Variants in KDM3A observed in about 807,000 individuals in gnomAD.
KDM3A encodes lysine-specific demethylase 3A.
Under a neutral mutation model 158.0 loss-of-function variants are expected in KDM3A, and 60 were observed. That is an observed-to-expected ratio of 0.38 (90% CI 0.31 to 0.47). The LOEUF (loss-of-function observed/expected upper bound fraction) is 0.47. KDM3A is among the 20% of genes least tolerant of loss of function. The probability of loss-of-function intolerance (pLI) is 0.99; values close to 1 mark genes in which losing one functional copy is unlikely to be tolerated. For missense variants in KDM3A, 1,319 were observed against 1,574.3 expected (o/e 0.84, Z 2.74); for synonymous variants, 608 against 549.3 (o/e 1.11, Z -1.49).
At chr2:86,477,825 G>A (rs1673730007) in intron 12 of KDM3A, 52 bp from the exon 13 acceptor site, 12 of 1,529,888 alleles carry the variant, frequency 7.8e-6, no homozygotes, top group Non-Finnish European at 1.1e-5. Flanking sequence ...TTCGTTTTTG[G>A]TTTCAGAAGC....
At chr2:86,471,145 C>G (rs1009655658) in intron 11 of KDM3A, among the ~76,000 whole-genome samples, 3 of 151,978 alleles carry the variant, frequency 2.0e-5, no homozygotes, top group Middle Eastern at 3.2e-3. Context: ...GGTCTCTGTA[C>G]CATTGCCAGC....
intron 18 of KDM3A, chr2:86,483,367 A>G (rs1410735355): frequency 1.3e-5 from 2 of 152,458 alleles, no homozygotes; most frequent in Admixed American, 1.3e-4. Context: ...ATAAATTTCC[A>G]AAATGTTTTT....
At chr2:86,472,520 A>G (rs1278190429) in intron 11 of KDM3A, among the ~76,000 whole-genome samples, 1 of 152,118 alleles carries the variant, frequency 6.6e-6, no homozygotes, top group Non-Finnish European at 1.5e-5. Context: ...ATGCTTTCAA[A>G]TTTATTTTTT....
At chr2:86,485,151 C>G (rs1674120233) in intron 20 of KDM3A, 122 bp downstream of exon 20, 1 of 614,360 alleles carries the variant, frequency 1.6e-6, no homozygotes, top group South Asian at 2.1e-5. Flanking sequence ...TATACTGCCA[C>G]TGATTTTTCA....
At chr2:86,457,283 A>G (rs926573446) in intron 8 of KDM3A, among the ~76,000 whole-genome samples, 9 of 152,064 alleles carry the variant, frequency 5.9e-5, no homozygotes, top group African/African-American at 2.2e-4. Flanking sequence ...GGCATGTGTC[A>G]TGCATGACAC....
At chr2:86,469,635 A>G (rs1410338306) in intron 10 of KDM3A, among the ~76,000 whole-genome samples, 2 of 152,214 alleles carry the variant, frequency 1.3e-5, no homozygotes, top group Non-Finnish European at 2.9e-5. Context: ...CATGTGTGAA[A>G]GAAGGGGAGA....
chr2:86,446,876 A>G (rs745742364), intron 2 of KDM3A, among the ~76,000 whole-genome samples: 1 of 152,212 alleles, frequency 6.6e-6, no homozygotes, highest in Non-Finnish European at 1.5e-5. Flanking sequence ...CAGTGGCACA[A>G]TCATAGCTGA....
intron 8 of KDM3A, among the ~76,000 whole-genome samples, chr2:86,459,193 T>C (rs528776778): frequency 6.6e-6 from 1 of 152,226 alleles, no homozygotes; most frequent in East Asian, 1.9e-4. Flanking sequence ...TGCTGAGGAA[T>C]AGGGGTCCCT....
chr2:86,445,415 C>G (rs184183018), intron 2 of KDM3A, among the ~76,000 whole-genome samples: 1 of 152,260 alleles, frequency 6.6e-6, no homozygotes. Flanking sequence ...TGCTTCCTAG[C>G]TGATTTTGTT....
At chr2:86,471,289 GTA>G (rs1205466896) in intron 11 of KDM3A, among the ~76,000 whole-genome samples, 5 of 150,094 alleles carry the variant, frequency 3.3e-5, no homozygotes, top group Admixed American at 2.0e-4. Context: ...GTGTATATAT[GTA>G]TATATGTGTG....
At chr2:86,479,469 A>G (rs987253192) in intron 15 of KDM3A, 7 of 152,292 alleles carry the variant, frequency 4.6e-5, no homozygotes, top group African/African-American at 1.4e-4. Flanking sequence ...GCTGGTTTCT[A>G]TGTGCTTCAG....
intron 11 of KDM3A, among the ~76,000 whole-genome samples, chr2:86,472,953 G>A (rs1005959402): frequency 1.3e-5 from 2 of 152,120 alleles, no homozygotes; most frequent in African/African-American, 4.8e-5. Context: ...TCTTGCCAAA[G>A]CAAGCTCAAT....
chr2:86,454,332 AT>A (rs1464147754), intron 4 of KDM3A, among the ~76,000 whole-genome samples: 1 of 152,166 alleles, frequency 6.6e-6, no homozygotes, highest in African/African-American at 2.4e-5. Context: ...AATTGCCATC[AT>A]GGGTGCATGC....
At chr2:86,488,007 C>T (rs1309874518) in intron 21 of KDM3A, 2 of 121,614 alleles carry the variant, frequency 1.6e-5, no homozygotes, top group East Asian at 1.9e-4. Context: ...CTTCCTATTG[C>T]CCTTAGTCTA....
chr2:86,469,155 G>A (rs1673289530), intron 10 of KDM3A, among the ~76,000 whole-genome samples: 1 of 152,112 alleles, frequency 6.6e-6, no homozygotes, highest in African/African-American at 2.4e-5. Context: ...ATTTACATGT[G>A]GTCTAGTCCT....
At chr2:86,471,811 A>G (rs1673424801) in intron 11 of KDM3A, among the ~76,000 whole-genome samples, 1 of 152,222 alleles carries the variant, frequency 6.6e-6, no homozygotes, top group Admixed American at 6.5e-5. Context: ...GAGCTGTAAT[A>G]CTGTTAACGT....
intron 21 of KDM3A, chr2:86,487,741 C>G (rs997004889): frequency 3.9e-5 from 6 of 152,190 alleles, no homozygotes; most frequent in African/African-American, 1.4e-4. Context: ...GTTTTGTTGT[C>G]TAGCACTCCT....
chr2:86,440,292 T>G (rs997854854), upstream of KDM3A, among the ~76,000 whole-genome samples: 32 of 152,364 alleles, frequency 2.1e-4, no homozygotes, highest in Middle Eastern at 3.4e-3. Flanking sequence ...TTTCCAAACA[T>G]TCTCTGATTA....
chr2:86,449,788 C>T lies in KDM3A; in HGVS notation c.187-19C>T, dbSNP rs553394378. 4 of 1,575,612 alleles carry T rather than the reference C, an allele frequency of 2.5e-6. No homozygotes were observed. Among genetic ancestry groups the T allele is most frequent in the Non-Finnish European group, 3.4e-6 (4 of 1,164,706 alleles). The stretch of plus-strand genomic sequence containing the variant: ...TAAATTGAATCTGCTTCCCCCACCC[C>T]CCAATTTTGTCTGTCTAGGTGTGTG... On this transcript the variant is annotated intron_variant, in intron 2 of 25. Coordinates refer to ENST00000312912, the MANE Select transcript of KDM3A (RefSeq NM_018433.6).
Sources: allele counts gnomAD v4.1 joint callset (sites outside exome capture counted in the v4.1 genomes callset), GRCh38; gene constraint gnomAD v4.1.1; transcripts MANE v1.5; gene names NCBI Gene and HGNC (gene_info 2026-07-23, HGNC 2026-07-21).